Variants in RGL1 observed in about 807,000 individuals in gnomAD.
RGL1 encodes ral guanine nucleotide dissociation stimulator like 1.
In RGL1, 24 loss-of-function variants were observed where a neutral mutation model predicts 95.2. The observed-to-expected ratio is 0.25, with a 90% CI of 0.18 to 0.35. The LOEUF is 0.35. RGL1 is among the 10% of genes least tolerant of loss of function. The probability of loss-of-function intolerance (pLI) is 1.00; values close to 1 mark genes in which losing one functional copy is unlikely to be tolerated. For missense variants in RGL1, 715 were observed against 936.3 expected (o/e 0.76, Z 3.08); for synonymous variants, 329 against 344.9 (o/e 0.95, Z 0.51).
intron 9 of RGL1, among the ~76,000 whole-genome samples, chr1:183,896,582 A>G (rs1401197481): frequency 6.6e-6 from 1 of 152,228 alleles, no homozygotes. Flanking sequence ...GTGGTTGTAC[A>G]GTAGTGGAAG....
intron 12 of RGL1, among the ~76,000 whole-genome samples, chr1:183,904,036 T>TC (rs1272465934): frequency 6.6e-6 from 1 of 152,148 alleles, no homozygotes; most frequent in Non-Finnish European, 1.5e-5. Flanking sequence ...CCCCCTCAGT[T>TC]CCCCTCTCTG....
intron 1 of RGL1, among the ~76,000 whole-genome samples, chr1:183,680,357 T>A (rs887302792): frequency 2.6e-5 from 4 of 152,226 alleles, no homozygotes; most frequent in African/African-American, 4.8e-5. Context: ...AGGTCTTATG[T>A]TGAAGTCTTT....
chr1:183,677,824 C>T (rs1051104060), intron 1 of RGL1, among the ~76,000 whole-genome samples: 1 of 152,078 alleles, frequency 6.6e-6, no homozygotes, highest in Admixed American at 6.6e-5. Context: ...GCAAGGTTGT[C>T]ACGTAGGTAG....
intron 1 of RGL1, among the ~76,000 whole-genome samples, chr1:183,649,312 G>A (rs1021532477): frequency 7.2e-5 from 11 of 152,184 alleles, no homozygotes; most frequent in Non-Finnish European, 4.4e-5. Flanking sequence ...AGTAGTAAAA[G>A]TACAAATCCT....
At chr1:183,764,860 T>C (rs1658883952) in intron 2 of RGL1, among the ~76,000 whole-genome samples, 1 of 152,206 alleles carries the variant, frequency 6.6e-6, no homozygotes, top group African/African-American at 2.4e-5. Flanking sequence ...AAAATAAGCA[T>C]CAGTCCCACT....
At position 183,880,736 on chromosome 1, in the gene RGL1, T is replaced by C. The variant is rs1357906794; in HGVS notation, c.546T>C (p.Ser182=). The part of the protein sequence containing the change: ...LDYLTRMMPG[S]DPERRAQNLL... ...ATCTCACACGGATGATGCCGGGCTCTGACCCAGAAAGAAGAGCACAAAATC... is the reference window on the plus strand; with the variant it reads ...ATCTCACACGGATGATGCCGGGCTCCGACCCAGAAAGAAGAGCACAAAATC... Residue 182 remains serine (S), a synonymous_variant, in exon 5 of 18, where the codon TCT becomes TCC. Transcript: ENST00000360851. 13 of 1,613,986 alleles carry C rather than the reference T, an allele frequency of 8.1e-6. No individual in the cohort carries two copies. The highest frequency in any genetic ancestry group is 1.1e-5 in the Non-Finnish European group (13 of 1,179,856).
chr1:183,883,404 C>A (rs1029283857), intron 5 of RGL1, among the ~76,000 whole-genome samples: 1 of 152,186 alleles, frequency 6.6e-6, no homozygotes, highest in African/African-American at 2.4e-5. Context: ...TTATAAGTCG[C>A]CCAGCAACCA....
At chr1:183,789,238 G>A (rs1660328190) in intron 2 of RGL1, among the ~76,000 whole-genome samples, 1 of 152,142 alleles carries the variant, frequency 6.6e-6, no homozygotes, top group African/African-American at 2.4e-5. Flanking sequence ...GAGATCAGGA[G>A]TTCGAGAGCA....
intron 3 of RGL1, among the ~76,000 whole-genome samples, chr1:183,849,483 G>GT (rs1418103960): frequency 0.13 from 15,460 of 118,590 alleles, 1,376 homozygotes; most frequent in South Asian, 0.21. Flanking sequence ...CCAGTTTTTA[G>GT]TTTTTTTTTT....
chr1:183,730,918 A>T (rs145696785), intron 1 of RGL1, among the ~76,000 whole-genome samples: 1 of 152,304 alleles, frequency 6.6e-6, no homozygotes, highest in Non-Finnish European at 1.5e-5. Context: ...TTTTAAGGGC[A>T]CACAAAAGAG....
chr1:183,657,085 T>A (rs1651225000), intron 1 of RGL1, among the ~76,000 whole-genome samples: 1 of 152,098 alleles, frequency 6.6e-6, no homozygotes, highest in Non-Finnish European at 1.5e-5. Context: ...GAATTTTTTT[T>A]ATTTCTGTGA....
chr1:183,724,559 C>G lies in RGL1; in HGVS notation c.-32-17567C>G, dbSNP rs1313260623. 6.6e-6 allele frequency among the ~76,000 whole-genome samples: 1 copy of G among 151,994 alleles called. No individual in the cohort carries two copies. The highest frequency in any genetic ancestry group is 1.5e-5 in the Non-Finnish European group (1 of 67,996). On this transcript the variant is annotated intron_variant, in intron 1 of 18. Transcript: ENST00000304685. The surrounding 1 kb of genome is among the most constrained non-coding windows in gnomAD (Gnocchi z 4.1). ...CCTCACAGGCCTGTAGCAGTGGTCA[C>G]CATGAAGAGAGACTCCTCTGCTTGT...
chr1:183,891,577 T>C (rs898685795), intron 8 of RGL1, among the ~76,000 whole-genome samples: 5 of 152,072 alleles, frequency 3.3e-5, no homozygotes, highest in Non-Finnish European at 5.9e-5. Flanking sequence ...GTAGAAATAG[T>C]GGCCTGTGAG....
intron 7 of RGL1, among the ~76,000 whole-genome samples, chr1:183,886,891 C>T (rs1667140194): frequency 1.3e-5 from 2 of 152,210 alleles, no homozygotes; most frequent in East Asian, 1.9e-4. Context: ...TTTTGCATCA[C>T]ATCTCCTGGA....
intron 10 of RGL1, among the ~76,000 whole-genome samples, chr1:183,898,307 C>T (rs1411312815): frequency 6.6e-6 from 1 of 152,078 alleles, no homozygotes; most frequent in Non-Finnish European, 1.5e-5. Flanking sequence ...AGAGTGTCTT[C>T]TCCACAGGGC....
chr1:183,776,044 T>C lies in RGL1; in HGVS notation c.133-30331T>C, dbSNP rs575109028. On this transcript the variant is annotated intron_variant, in intron 2 of 18. Transcript: ENST00000304685. ...AAATTGATTCCTACCTTTATAAATA[T>C]AGAATAGGGAATTGAGTCATTCAGT... Among the ~76,000 whole-genome samples the C allele has an allele frequency of 7.9e-5, 12 of 151,954 alleles. No individual in the cohort carries two copies. In the East Asian group the frequency reaches 2.3e-3, roughly 29 times the overall value.
At chr1:183,747,699 G>A (rs1657730179) in intron 2 of RGL1, among the ~76,000 whole-genome samples, 1 of 152,150 alleles carries the variant, frequency 6.6e-6, no homozygotes, top group African/African-American at 2.4e-5. Flanking sequence ...TGATTGTGAT[G>A]GATAAGCTTT....
At chr1:183,841,928 G>C (rs143276972) in intron 2 of RGL1, among the ~76,000 whole-genome samples, 3 of 152,272 alleles carry the variant, frequency 2.0e-5, no homozygotes, top group African/African-American at 7.2e-5. Flanking sequence ...TACTTGAATG[G>C]TAAGTATAGT....
At chr1:183,650,566 T>C (rs1650668670) in intron 1 of RGL1, among the ~76,000 whole-genome samples, 1 of 152,044 alleles carries the variant, frequency 6.6e-6, no homozygotes, top group Non-Finnish European at 1.5e-5. Context: ...AAAAACACAA[T>C]ATTCATGGCT....
Sources: allele counts gnomAD v4.1 joint callset (sites outside exome capture counted in the v4.1 genomes callset), GRCh38; gene constraint gnomAD v4.1.1; non-coding constraint Gnocchi (gnomAD v3.1); transcripts MANE v1.5; gene names NCBI Gene and HGNC (gene_info 2026-07-23, HGNC 2026-07-21).